PGM5: variants seen among roughly 807,000 people sequenced by gnomAD.
PGM5 encodes phosphoglucomutase 5, also known as phosphoglucomutase-like protein 5.
In PGM5, 23 loss-of-function variants were observed where a neutral mutation model predicts 59.2. The observed-to-expected ratio is 0.39, with a 90% CI of 0.28 to 0.55. The LOEUF is 0.55. PGM5 is among the 20% of genes least tolerant of loss of function. The pLI, the probability that PGM5 is intolerant of heterozygous loss-of-function variation, is 0.66. For synonymous variants in PGM5, 214 were observed against 286.0 expected, an observed-to-expected ratio of 0.75 and a Z score of 2.54; for missense variants, 574 against 748.3, an observed-to-expected ratio of 0.77 and a Z score of 2.72.
intron 6 of PGM5, among the ~76,000 whole-genome samples, chr9:68,447,419 G>GGA (rs146301142): frequency 1.9e-4 from 29 of 149,976 alleles, no homozygotes; most frequent in Admixed American, 4.0e-4. Context: ...GCTCGAGTTT[G>GGA]GAGAGAGAGA....
chr9:68,490,529 A>G (rs1403894008), intron 9 of PGM5, among the ~76,000 whole-genome samples: 1 of 151,944 alleles, frequency 6.6e-6, no homozygotes, highest in Non-Finnish European at 1.5e-5. Context: ...TAATTTTTGT[A>G]TTTTTAGTAA....
At chr9:68,462,717 GC>G (rs1554685494) in intron 6 of PGM5, among the ~76,000 whole-genome samples, 1 of 151,856 alleles carries the variant, frequency 6.6e-6, no homozygotes, top group African/African-American at 2.4e-5. Context: ...CCTCACCTCT[GC>G]CCCATGTTGC....
chr9:68,399,847 T>C (rs1822621544), intron 6 of PGM5, among the ~76,000 whole-genome samples: 1 of 152,160 alleles, frequency 6.6e-6, no homozygotes. Context: ...CATGTATAAA[T>C]AGCAACTTTT....
At chr9:68,465,253 C>G in intron 7 of PGM5, 45 bp downstream of exon 7, 1 of 1,228,236 alleles carries the variant, frequency 8.1e-7, no homozygotes, top group Non-Finnish European at 1.2e-6. Context: ...CGGCTGCAGC[C>G]TTTTGTGATC....
At chr9:68,378,490 T>C in intron 2 of PGM5, 129 bp downstream of exon 2, 1 of 1,208,262 alleles carries the variant, frequency 8.3e-7, no homozygotes, top group Non-Finnish European at 1.1e-6. Flanking sequence ...TTCAGTGAGG[T>C]GCCCAAAGAG....
At chr9:68,482,232 T>A (rs1263924262) in intron 8 of PGM5, among the ~76,000 whole-genome samples, 1 of 152,138 alleles carries the variant, frequency 6.6e-6, no homozygotes, top group African/African-American at 2.4e-5. Context: ...AACTCCTGAA[T>A]CTCTTTCAAT....
chr9:68,475,839 G>A (rs1426918931), intron 7 of PGM5, among the ~76,000 whole-genome samples: 5 of 152,112 alleles, frequency 3.3e-5, no homozygotes, highest in African/African-American at 7.2e-5. Context: ...GCAACACAGT[G>A]AGACCCCATC....
At chr9:68,407,943 C>T (rs1822852325) in intron 6 of PGM5, among the ~76,000 whole-genome samples, 1 of 152,182 alleles carries the variant, frequency 6.6e-6, no homozygotes, top group African/African-American at 2.4e-5. Context: ...TAACAATTAA[C>T]ATCTCAACCC....
At chr9:68,410,612 C>T (rs1288017681) in intron 6 of PGM5, among the ~76,000 whole-genome samples, 3 of 151,988 alleles carry the variant, frequency 2.0e-5, no homozygotes, top group Admixed American at 2.0e-4. Flanking sequence ...GAAAATACTC[C>T]AGGGTGTAGG....
intron 1 of PGM5, among the ~76,000 whole-genome samples, chr9:68,372,446 T>C (rs1245473486): frequency 1.3e-5 from 2 of 152,022 alleles, no homozygotes; most frequent in African/African-American, 2.4e-5. Flanking sequence ...TTAACCAATC[T>C]ACCACCACGT....
chr9:68,441,537 A>G (rs1823528942), intron 6 of PGM5, among the ~76,000 whole-genome samples: 1 of 152,166 alleles, frequency 6.6e-6, no homozygotes, highest in African/African-American at 2.4e-5. Flanking sequence ...ACATCAATTG[A>G]GGCACAAGAT....
At chr9:68,466,651 A>G (rs1823939902) in intron 7 of PGM5, 1 of 152,944 alleles carries the variant, frequency 6.5e-6, no homozygotes, top group Non-Finnish European at 1.5e-5. Flanking sequence ...TCAAGCGGTG[A>G]TCTGGGTTTG....
chr9:68,418,696 T>C (rs1304636677), intron 6 of PGM5, among the ~76,000 whole-genome samples: 3 of 152,090 alleles, frequency 2.0e-5, no homozygotes, highest in Middle Eastern at 3.4e-3. Flanking sequence ...TCCTTCTGAA[T>C]GCCCTCTGAG....
At chr9:68,412,760 GCCATGTGCTATGTT>G (rs1380626944) in intron 6 of PGM5, among the ~76,000 whole-genome samples, 2 of 152,212 alleles carry the variant, frequency 1.3e-5, no homozygotes, top group African/African-American at 4.8e-5. Context: ...CTTTTATAGG[GCCATGTGCTATGTT>G]CCATTTATAT....
chr9:68,511,133 T>G (rs1038921131), intron 10 of PGM5, among the ~76,000 whole-genome samples: 1 of 152,204 alleles, frequency 6.6e-6, no homozygotes, highest in Non-Finnish European at 1.5e-5. Context: ...GAAGGCCGAT[T>G]TCCCCCACAA....
At chr9:68,523,392 G>A (rs1824927284) in intron 10 of PGM5, among the ~76,000 whole-genome samples, 2 of 152,150 alleles carry the variant, frequency 1.3e-5, no homozygotes, top group African/African-American at 4.8e-5. Context: ...CAGGATGAGG[G>A]GTGCTGCAGT....
intron 9 of PGM5, among the ~76,000 whole-genome samples, chr9:68,489,423 ATGT>A (rs10560976): frequency 0.22 from 33,265 of 148,680 alleles, 4,685 homozygotes; most frequent in African/African-American, 0.41. Context: ...TCCTAATCCT[ATGT>A]TGTTGTTGTT....
At chr9:68,470,270 C>A (rs186073205) in intron 7 of PGM5, among the ~76,000 whole-genome samples, 1 of 152,236 alleles carries the variant, frequency 6.6e-6, no homozygotes, top group East Asian at 1.9e-4. Flanking sequence ...CTTTAGTGAT[C>A]TTTTGTATGC....
intron 10 of PGM5, among the ~76,000 whole-genome samples, chr9:68,506,647 G>C (rs1554689050): frequency 6.6e-6 from 1 of 152,158 alleles, no homozygotes; most frequent in African/African-American, 2.4e-5. Context: ...GTTCATAAGG[G>C]ATCTAGAGTG....
Sources: gnomAD v4.1 joint callset for allele counts (sites outside exome capture counted in the v4.1 genomes callset) on GRCh38, gnomAD v4.1.1 for gene constraint, MANE v1.5 for transcripts, NCBI Gene and HGNC (gene_info 2026-07-23, HGNC 2026-07-21) for gene names.